Variants in CCDC148 observed in about 807,000 individuals in gnomAD.
CCDC148 encodes the protein coiled-coil domain containing 148, also known as coiled-coil domain-containing protein 148.
CCDC148 carries 89 observed loss-of-function variants against 85.7 expected under a neutral mutation model. The observed-to-expected ratio is 1.04, with a 90% CI of 0.87 to 1.24. The LOEUF (loss-of-function observed/expected upper bound fraction) is 1.24, where lower values mean the gene tolerates loss of function less well. Among genes scored for constraint, CCDC148 ranks in the 50% most tolerant of loss-of-function variants. The pLI is 0.00. For synonymous variants in CCDC148, 230 were observed against 213.9 expected (o/e 1.08, Z -0.66); for missense variants, 692 against 671.7 (o/e 1.03, Z -0.33).
chr2:158,286,349 T>A (rs1690623634), intron 9 of CCDC148, among the ~76,000 whole-genome samples: 1 of 152,252 alleles, frequency 6.6e-6, no homozygotes, highest in African/African-American at 2.4e-5. Context: ...ACAAAACAAC[T>A]TTATAAGAGA....
chr2:158,200,372 G>A (rs1685893265), intron 11 of CCDC148, among the ~76,000 whole-genome samples: 1 of 152,110 alleles, frequency 6.6e-6, no homozygotes, highest in Admixed American at 6.6e-5. Flanking sequence ...TGAATTTCCT[G>A]TAAACAGTAA....
chr2:158,424,160 A>G (rs1254870508), intron 1 of CCDC148, among the ~76,000 whole-genome samples: 3 of 152,268 alleles, frequency 2.0e-5, no homozygotes, highest in South Asian at 2.1e-4. Flanking sequence ...TCAGTGTGTC[A>G]ATTCCTCAAG....
chr2:158,423,670 A>C (rs905226944), intron 1 of CCDC148, among the ~76,000 whole-genome samples: 1 of 152,174 alleles, frequency 6.6e-6, no homozygotes, highest in Non-Finnish European at 1.5e-5. Flanking sequence ...AGACTTCATG[A>C]CTAAAACACC....
At chr2:158,357,891 G>C (rs897069665) in intron 2 of CCDC148, among the ~76,000 whole-genome samples, 1 of 152,068 alleles carries the variant, frequency 6.6e-6, no homozygotes. Flanking sequence ...TTCAATGAAC[G>C]CTATTATTTG....
At chr2:158,342,035 T>G (rs1349917561) in intron 3 of CCDC148, among the ~76,000 whole-genome samples, 2 of 140,586 alleles carry the variant, frequency 1.4e-5, no homozygotes, top group East Asian at 4.1e-4. Flanking sequence ...TCTTTTTTTT[T>G]TTTTTTTTTT....
chr2:158,222,550 T>A (rs1687244362), intron 10 of CCDC148, among the ~76,000 whole-genome samples: 1 of 152,036 alleles, frequency 6.6e-6, no homozygotes. Context: ...CATGTAAAAC[T>A]CCCTACATCT....
chr2:158,207,261 A>C (rs1400924080), intron 11 of CCDC148, among the ~76,000 whole-genome samples: 24 of 152,204 alleles, frequency 1.6e-4, no homozygotes, highest in Non-Finnish European at 2.8e-4. Context: ...ACAGATAGCC[A>C]ATTGAAGACT....
At chr2:158,307,160 T>C (rs1273795798) in intron 9 of CCDC148, among the ~76,000 whole-genome samples, 11 of 151,992 alleles carry the variant, frequency 7.2e-5, no homozygotes, top group South Asian at 2.1e-4. Flanking sequence ...AAGTCATTGA[T>C]TGGGAGAAAA....
chr2:158,301,996 T>A (rs975540553), intron 9 of CCDC148, among the ~76,000 whole-genome samples: 1 of 152,244 alleles, frequency 6.6e-6, no homozygotes, highest in Non-Finnish European at 1.5e-5. Flanking sequence ...TTTGACTTAG[T>A]CATGTTTATA....
rs534498618 is a variant in CCDC148 at position 158,456,529 on chromosome 2, T to C, written c.-90A>G. Reference sequence around the variant, plus strand: ...CTGGGCTCTCGCCGTCAGGGGTACATCTAAGGGCTCAGCTGTTCCTACCTT... The same window carrying C: ...CTGGGCTCTCGCCGTCAGGGGTACACCTAAGGGCTCAGCTGTTCCTACCTT... On this transcript the variant is annotated 5_prime_UTR_variant, in exon 1 of 14. An upstream start codon of the reference 5' UTR is lost. Transcript: ENST00000283233. 4.4e-5 allele frequency: 66 copies of C among 1,497,364 alleles called. No homozygotes were observed. The South Asian group carries it at 7.4e-4, about 17-fold the overall frequency. 92.8% of individuals were successfully genotyped at this position (1,497,364 alleles called of 1,614,324 possible). A position where few individuals can be genotyped will look rare whatever the true frequency, so the allele number is the denominator to read the frequency against.
In CCDC148 at chr2:158,180,146, G is replaced by A. The variant is rs377281651; in HGVS notation, c.1371-1150C>T. Among the ~76,000 whole-genome samples the A allele has an allele frequency of 6.6e-5, 10 of 152,248 alleles. No individual in the cohort carries two copies. The South Asian group carries it at 1.2e-3, about 19-fold the overall frequency. The stretch of plus-strand genomic sequence containing the variant: ...AGATTTAGCTTTCTCTGTGGCATCA[G>A]TCACAAATGTCCTTTACCCTTAGTG... On this transcript the variant is annotated intron_variant, in intron 11 of 13. Coordinates refer to ENST00000283233, the MANE Select transcript of CCDC148 (RefSeq NM_138803.4).
intron 1 of CCDC148, among the ~76,000 whole-genome samples, chr2:158,388,260 A>AC: frequency 6.6e-6 from 1 of 152,214 alleles, no homozygotes; most frequent in East Asian, 1.9e-4. Flanking sequence ...AGAAATTGAA[A>AC]CCCATATTCA....
intron 2 of CCDC148, among the ~76,000 whole-genome samples, chr2:158,351,732 A>G (rs976348614): frequency 6.6e-6 from 1 of 152,132 alleles, no homozygotes; most frequent in Non-Finnish European, 1.5e-5. Context: ...CCACAGCTCA[A>G]GGAGGCCTGC....
At chr2:158,337,699 G>T (rs1331968201) in intron 7 of CCDC148, among the ~76,000 whole-genome samples, 4 of 152,048 alleles carry the variant, frequency 2.6e-5, no homozygotes, top group Non-Finnish European at 5.9e-5. Flanking sequence ...CCAACTTCAG[G>T]TAGAATCAGC....
intron 9 of CCDC148, among the ~76,000 whole-genome samples, chr2:158,287,456 C>T (rs897117991): frequency 1.8e-4 from 28 of 152,250 alleles, no homozygotes; most frequent in Admixed American, 4.6e-4. Flanking sequence ...TTACTAGATA[C>T]AGTGGGGGTA....
At chr2:158,258,764 C>T (rs1397970554) in intron 9 of CCDC148, among the ~76,000 whole-genome samples, 1 of 151,826 alleles carries the variant, frequency 6.6e-6, no homozygotes, top group African/African-American at 2.4e-5. Context: ...TGTTGCTCCT[C>T]TCTCTCTACT....
chr2:158,181,915 A>G (rs1443717365), intron 11 of CCDC148, among the ~76,000 whole-genome samples: 3 of 151,706 alleles, frequency 2.0e-5, no homozygotes, highest in Admixed American at 2.0e-4. Context: ...TCCAGATGGG[A>G]ATGGAAGGCC....
rs149772108 is a variant in CCDC148 at position 158,209,686 on chromosome 2, A to G, written c.1370+10909T>C. ...AACATTCTTAAAGAAAAGAATTTCA[A>G]CCCAGAATTTCATATCCAGCCAAAC... is the stretch of plus-strand genomic sequence containing the variant. On this transcript the variant is annotated intron_variant, in intron 11 of 13. Transcript: ENST00000283233. Among the ~76,000 whole-genome samples the G allele has an allele frequency of 9.5e-3, 1,441 of 152,346 alleles. 24 individuals are homozygous for G. The highest frequency in any genetic ancestry group is 0.033 in the African/African-American group (1,383 of 41,574).
At chr2:158,187,142 A>G (rs1339940292) in intron 11 of CCDC148, among the ~76,000 whole-genome samples, 2 of 151,954 alleles carry the variant, frequency 1.3e-5, no homozygotes, top group African/African-American at 4.8e-5. Flanking sequence ...CACTGAAAAG[A>G]GCATTCATTT....
Sources: gnomAD v4.1 joint callset for allele counts (sites outside exome capture counted in the v4.1 genomes callset) on GRCh38, gnomAD v4.1.1 for gene constraint, MANE v1.5 for transcripts, NCBI Gene and HGNC (gene_info 2026-07-23, HGNC 2026-07-21) for gene names.